The following ZNF804B variants were observed in gnomAD, a reference collection of about 807,000 sequenced individuals.
ZNF804B encodes zinc finger protein 804B, also known as zinc finger 804B.
In ZNF804B, 80 loss-of-function variants were observed where a neutral mutation model predicts 101.4. That is an observed-to-expected ratio of 0.79 (90% CI 0.66 to 0.95). ZNF804B has a LOEUF of 0.95. Ranked by LOEUF, ZNF804B falls within the 40% of genes least tolerant of loss-of-function variation. The probability of loss-of-function intolerance (pLI) is 0.00; values close to 1 mark genes in which losing one functional copy is unlikely to be tolerated. For missense variants in ZNF804B, 1,673 were observed against 1,561.9 expected, an observed-to-expected ratio of 1.07 and a Z score of -1.20; for synonymous variants, 622 against 558.8, an observed-to-expected ratio of 1.11 and a Z score of -1.59.
At chr7:89,202,960 C>T (rs1224899873) in intron 1 of ZNF804B, among the ~76,000 whole-genome samples, 5 of 152,062 alleles carry the variant, frequency 3.3e-5, no homozygotes, top group Non-Finnish European at 5.9e-5. Flanking sequence ...GTATTCTAGA[C>T]GTATTGTAGC....
intron 1 of ZNF804B, among the ~76,000 whole-genome samples, chr7:89,136,017 A>G (rs1790629541): frequency 6.6e-6 from 1 of 152,164 alleles, no homozygotes; most frequent in African/African-American, 2.4e-5. Context: ...CTTCAAAAAT[A>G]TTTCAAAATT....
At chr7:89,048,065 A>G (rs910712241) in intron 1 of ZNF804B, among the ~76,000 whole-genome samples, 3 of 152,108 alleles carry the variant, frequency 2.0e-5, no homozygotes, top group Non-Finnish European at 2.9e-5. Flanking sequence ...CATACACTGC[A>G]CACTATTCGT....
chr7:89,004,831 C>G (rs1034983254), intron 1 of ZNF804B, among the ~76,000 whole-genome samples: 4 of 151,696 alleles, frequency 2.6e-5, no homozygotes, highest in African/African-American at 9.7e-5. Flanking sequence ...GTGGGGCCAC[C>G]ATCTTCATTT....
intron 1 of ZNF804B, among the ~76,000 whole-genome samples, chr7:89,011,127 AGAATGAGTGG>A (rs1788455028): frequency 1.8e-4 from 1 of 5,654 alleles, no homozygotes; most frequent in African/African-American, 5.1e-3. Context: ...GGCAGGAGGG[AGAATGAGTGG>A]AGAATGAGTG....
intron 1 of ZNF804B, among the ~76,000 whole-genome samples, chr7:89,114,406 C>G (rs1790276559): frequency 6.6e-6 from 1 of 152,192 alleles, no homozygotes; most frequent in South Asian, 2.1e-4. Context: ...TCACCAGGCT[C>G]TTTGTCATTA....
At chr7:88,981,365 ATC>A (rs1328992450) in intron 1 of ZNF804B, among the ~76,000 whole-genome samples, 1 of 152,040 alleles carries the variant, frequency 6.6e-6, no homozygotes, top group Non-Finnish European at 1.5e-5. Flanking sequence ...TTGAGCTATT[ATC>A]TAAGTTCCAA....
chr7:89,213,216 TG>T (rs1788831765), intron 1 of ZNF804B, among the ~76,000 whole-genome samples: 2 of 152,158 alleles, frequency 1.3e-5, no homozygotes, highest in Non-Finnish European at 2.9e-5. Context: ...AGATGATGGA[TG>T]CCAAAAGAGT....
chr7:88,926,809 G>A (rs1402809535), intron 1 of ZNF804B, among the ~76,000 whole-genome samples: 1 of 151,872 alleles, frequency 6.6e-6, no homozygotes, highest in Non-Finnish European at 1.5e-5. Flanking sequence ...TCCAGCTTCC[G>A]AATTACCCTT....
chr7:89,203,225 G>A (rs1247780670), intron 1 of ZNF804B, among the ~76,000 whole-genome samples: 2 of 152,140 alleles, frequency 1.3e-5, no homozygotes, highest in East Asian at 3.9e-4. Flanking sequence ...TTAGAATACA[G>A]ATAAACATTG....
intron 1 of ZNF804B, among the ~76,000 whole-genome samples, chr7:88,785,848 T>A (rs1790294036): frequency 6.6e-6 from 1 of 152,198 alleles, no homozygotes; most frequent in Admixed American, 6.6e-5. Context: ...GGCTTACTTC[T>A]ATTTAACTTT....
chr7:89,033,635 A>G (rs1788875677), intron 1 of ZNF804B, among the ~76,000 whole-genome samples: 2 of 152,164 alleles, frequency 1.3e-5, no homozygotes, highest in African/African-American at 4.8e-5. Context: ...TTCCCATTGA[A>G]TGTGAAACTT....
At chr7:88,794,847 G>A (rs759518320) in intron 1 of ZNF804B, 39 of 1,613,544 alleles carry the variant, frequency 2.4e-5, no homozygotes, top group Non-Finnish European at 3.3e-5. Flanking sequence ...CTTCTTGAAA[G>A]TGCAGGTAAT....
At chr7:89,105,040 C>T (rs562857881) in intron 1 of ZNF804B, among the ~76,000 whole-genome samples, 1 of 152,102 alleles carries the variant, frequency 6.6e-6, no homozygotes, top group South Asian at 2.1e-4. Flanking sequence ...AAGAATGGAA[C>T]AATTCGCTTA....
intron 1 of ZNF804B, among the ~76,000 whole-genome samples, chr7:89,014,122 C>A (rs1249889138): frequency 6.6e-6 from 1 of 152,016 alleles, no homozygotes; most frequent in Non-Finnish European, 1.5e-5. Context: ...TTTTTAGGAG[C>A]CTCTATACTG....
At chr7:89,159,056 G>A (rs1380591198) in intron 1 of ZNF804B, among the ~76,000 whole-genome samples, 1 of 152,090 alleles carries the variant, frequency 6.6e-6, no homozygotes, top group Non-Finnish European at 1.5e-5. Context: ...TTATTATTCT[G>A]AAGATGAGGT....
intron 1 of ZNF804B, among the ~76,000 whole-genome samples, chr7:88,911,745 C>T (rs1266256158): frequency 2.0e-5 from 3 of 151,686 alleles, no homozygotes; most frequent in Non-Finnish European, 4.4e-5. Flanking sequence ...ATAACTACAT[C>T]CACATCAAGA....
intron 2 of ZNF804B, among the ~76,000 whole-genome samples, chr7:89,254,892 C>CA (rs1386214537): frequency 6.6e-6 from 1 of 152,100 alleles, no homozygotes; most frequent in Non-Finnish European, 1.5e-5. Context: ...GCAATCCACC[C>CA]ACCTTGGCCT....
intron 1 of ZNF804B, among the ~76,000 whole-genome samples, chr7:89,001,834 T>A: frequency 6.6e-6 from 1 of 151,882 alleles, no homozygotes; most frequent in East Asian, 1.9e-4. Flanking sequence ...TTTGTAGGGT[T>A]TTTTGGGCAT....
chr7:89,058,868 A>AT (rs376160412), intron 1 of ZNF804B, among the ~76,000 whole-genome samples: 29 of 151,800 alleles, frequency 1.9e-4, no homozygotes, highest in African/African-American at 6.0e-4. Flanking sequence ...TAATCTTTGC[A>AT]TTTTTTTTGG....
Sources: allele counts gnomAD v4.1 joint callset (sites outside exome capture counted in the v4.1 genomes callset), GRCh38; gene constraint gnomAD v4.1.1; transcripts MANE v1.5; gene names NCBI Gene and HGNC (gene_info 2026-07-23, HGNC 2026-07-21).